TMEM117: variants seen among roughly 807,000 people sequenced by gnomAD.
TMEM117 encodes transmembrane protein 117.
TMEM117 carries 27 observed loss-of-function variants against 52.4 expected under a neutral mutation model. The ratio of observed to expected loss-of-function variants is 0.51; its 90% CI spans 0.38 to 0.71. The LOEUF is 0.71. Ranked by LOEUF, TMEM117 falls within the 30% of genes least tolerant of loss-of-function variation. TMEM117 has a pLI of 0.00. For missense variants in TMEM117, 556 were observed against 630.5 expected, an observed-to-expected ratio of 0.88 and a Z score of 1.26; for synonymous variants, 215 against 206.3, an observed-to-expected ratio of 1.04 and a Z score of -0.36.
chr12:43,877,033 G>C (rs1943809137), intron 2 of TMEM117, among the ~76,000 whole-genome samples: 1 of 152,044 alleles, frequency 6.6e-6, no homozygotes, highest in Admixed American at 6.6e-5. Flanking sequence ...CATTGAGTGT[G>C]TCTAACATAA....
Position 43,960,934 on chromosome 12 carries a change from T to C in TMEM117, c.410+16592T>C, listed in dbSNP as rs190516016. 4.9e-3 allele frequency among the ~76,000 whole-genome samples: 742 copies of C among 152,248 alleles called. 5 individuals are homozygous for C. Among genetic ancestry groups the C allele is most frequent in the African/African-American group, 0.017 (715 of 41,546 alleles). On this transcript the variant is annotated intron_variant, in intron 3 of 7. Transcript: ENST00000266534. Reference sequence around the variant, plus strand: ...CAAGGTGAAGAGGCAAACTAAATTTTTAAGGTTGCAAAAAATCTTGGTTGT... The same window carrying C: ...CAAGGTGAAGAGGCAAACTAAATTTCTAAGGTTGCAAAAAATCTTGGTTGT...
chr12:44,050,518 G>A (rs1946954043), intron 3 of TMEM117, among the ~76,000 whole-genome samples: 4 of 152,210 alleles, frequency 2.6e-5, no homozygotes, highest in Admixed American at 2.6e-4. Context: ...CTTTAAGGGT[G>A]ATGAGCAACT....
intron 3 of TMEM117, among the ~76,000 whole-genome samples, chr12:44,142,650 G>A (rs1948586861): frequency 6.6e-6 from 1 of 151,934 alleles, no homozygotes; most frequent in South Asian, 2.1e-4. Flanking sequence ...AAGAAAAGGA[G>A]CAAAATTTAA....
chr12:44,007,578 G>T (rs1328574024), intron 3 of TMEM117, among the ~76,000 whole-genome samples: 1 of 152,136 alleles, frequency 6.6e-6, no homozygotes, highest in Admixed American at 6.6e-5. Flanking sequence ...TCTAGTGCAT[G>T]CCTGAAACTG....
At chr12:43,936,131 A>T (rs1449938379) in intron 2 of TMEM117, among the ~76,000 whole-genome samples, 3 of 152,164 alleles carry the variant, frequency 2.0e-5, no homozygotes, top group African/African-American at 4.8e-5. Flanking sequence ...TTTTAGTCAG[A>T]TCTATTGGCT....
At chr12:44,055,968 G>A (rs918779762) in intron 3 of TMEM117, among the ~76,000 whole-genome samples, 5 of 151,972 alleles carry the variant, frequency 3.3e-5, no homozygotes, top group Non-Finnish European at 5.9e-5. Flanking sequence ...CAGCATAATT[G>A]TTATATCTAA....
intron 5 of TMEM117, among the ~76,000 whole-genome samples, chr12:44,234,199 A>G (rs1949966988): frequency 6.6e-6 from 1 of 151,506 alleles, no homozygotes; most frequent in Non-Finnish European, 1.5e-5. Context: ...AATATTTGGT[A>G]TAACTCAATG....
chr12:43,844,549 A>G, intron 1 of TMEM117, 75 bp from the exon 2 acceptor site: 1 of 1,314,754 alleles, frequency 7.6e-7, no homozygotes, highest in South Asian at 1.4e-5. Context: ...GAACTGTTAT[A>G]AACCTGAACT....
intron 6 of TMEM117, among the ~76,000 whole-genome samples, chr12:44,331,694 C>A (rs1287706071): frequency 6.6e-6 from 1 of 151,978 alleles, no homozygotes; most frequent in Non-Finnish European, 1.5e-5. Flanking sequence ...ACTATCTTTC[C>A]AAGCTTCCTA....
At chr12:44,067,336 CT>C (rs1429633587) in intron 3 of TMEM117, among the ~76,000 whole-genome samples, 1 of 152,146 alleles carries the variant, frequency 6.6e-6, no homozygotes, top group Non-Finnish European at 1.5e-5. Context: ...ATGGTGAATC[CT>C]TTCCAGACTA....
chr12:44,193,062 G>GA (rs1442564133), intron 4 of TMEM117, among the ~76,000 whole-genome samples: 3 of 152,106 alleles, frequency 2.0e-5, no homozygotes, highest in African/African-American at 4.8e-5. Context: ...GTGCACCTTT[G>GA]AAAATCATTA....
intron 4 of TMEM117, among the ~76,000 whole-genome samples, chr12:44,161,277 C>T (rs111286074): frequency 0.011 from 1,747 of 152,236 alleles, 21 homozygotes; most frequent in South Asian, 0.052. Context: ...GATAACCTAT[C>T]ATATTAATAA....
chr12:44,230,636 AAC>A, intron 5 of TMEM117, among the ~76,000 whole-genome samples: 1 of 152,056 alleles, frequency 6.6e-6, no homozygotes, highest in East Asian at 1.9e-4. Flanking sequence ...AAATGTCTTA[AAC>A]ACAAATTTTA....
In TMEM117 at chr12:44,297,692, G is replaced by A. The variant is rs536361724; in HGVS notation, c.609-1888G>A. 4.6e-5 allele frequency among the ~76,000 whole-genome samples: 7 copies of A among 152,194 alleles called. No individual in the cohort carries two copies. The South Asian group carries it at 8.3e-4, about 18-fold the overall frequency. ...ATAATCAATATTTATTCTTCATCAAGGTTGCTATATTCCTTCTTGAAAAAA... is the reference window on the plus strand; with the variant it reads ...ATAATCAATATTTATTCTTCATCAAAGTTGCTATATTCCTTCTTGAAAAAA... On this transcript the variant is annotated intron_variant, in intron 5 of 7. Transcript: ENST00000266534.
In TMEM117 at chr12:43,879,379, AT is replaced by A. The variant is rs549897211; in HGVS notation, c.277+34453del. On this transcript the variant is annotated intron_variant, in intron 2 of 7. Transcript: ENST00000266534. ...TGACTACTGTATATTTCAGTGTATAATTGCATATGCAACTCCATTGCTCCCT... is the reference window on the plus strand; with the variant it reads ...TGACTACTGTATATTTCAGTGTATAATGCATATGCAACTCCATTGCTCCCT... Among the ~76,000 whole-genome samples, 14 of 152,352 alleles carry A rather than the reference AT, an allele frequency of 9.2e-5. 1 individual carries two copies. In the East Asian group the frequency reaches 2.7e-3, roughly 29 times the overall value.
At chr12:44,233,317 T>C (rs933227564) in intron 5 of TMEM117, among the ~76,000 whole-genome samples, 11 of 151,486 alleles carry the variant, frequency 7.3e-5, no homozygotes, top group Admixed American at 1.3e-4. Context: ...TTTCATACAA[T>C]GATTTTCTGC....
intron 3 of TMEM117, among the ~76,000 whole-genome samples, chr12:43,958,228 TATA>T (rs1267409188): frequency 2.6e-5 from 4 of 152,228 alleles, no homozygotes; most frequent in Non-Finnish European, 4.4e-5. Flanking sequence ...ATTTTCATAT[TATA>T]ATGATAAATA....
intron 5 of TMEM117, among the ~76,000 whole-genome samples, chr12:44,223,603 C>T (rs1280967365): frequency 1.3e-5 from 2 of 152,158 alleles, no homozygotes; most frequent in African/African-American, 4.8e-5. Context: ...TTCTGCTTTT[C>T]TCCAAATTGG....
chr12:44,318,631 A>T (rs1951089567), intron 6 of TMEM117, among the ~76,000 whole-genome samples: 1 of 152,084 alleles, frequency 6.6e-6, no homozygotes, highest in African/African-American at 2.4e-5. Flanking sequence ...CCAGAAGAGC[A>T]GGTGTTCTCA....
Sources: gnomAD v4.1 joint callset for allele counts (sites outside exome capture counted in the v4.1 genomes callset) on GRCh38, gnomAD v4.1.1 for gene constraint, MANE v1.5 for transcripts, NCBI Gene and HGNC (gene_info 2026-07-23, HGNC 2026-07-21) for gene names.